The following ZMYM2 variants were observed in gnomAD, a reference collection of about 807,000 sequenced individuals.
The protein encoded by ZMYM2 is zinc finger MYM-type containing 2.
In ZMYM2, 56 loss-of-function variants were observed where a neutral mutation model predicts 162.8. The observed-to-expected ratio is 0.34, with a 90% CI of 0.28 to 0.43. The LOEUF is 0.43. Ranked by LOEUF, ZMYM2 falls within the 20% of genes least tolerant of loss-of-function variation. The pLI, the probability that ZMYM2 is intolerant of heterozygous loss-of-function variation, is 1.00. For missense variants in ZMYM2, 1,275 were observed against 1,621.8 expected (o/e 0.79, Z 3.67); for synonymous variants, 510 against 541.6 (o/e 0.94, Z 0.81).
chr13:19,958,457 C>T (rs1371573482), upstream of ZMYM2, among the ~76,000 whole-genome samples: 1 of 143,290 alleles, frequency 7.0e-6, no homozygotes, highest in African/African-American at 2.5e-5. Context: ...CTGGCAGACC[C>T]GGTGGGTGGG....
At chr13:19,959,003 C>T (rs966407599) in intron 1 of ZMYM2, among the ~76,000 whole-genome samples, 162 bp downstream of exon 1, 84 of 152,032 alleles carry the variant, frequency 5.5e-4, no homozygotes, top group African/African-American at 2.0e-3. Context: ...GGGATTAATA[C>T]CCCGCGGCGC....
chr13:19,989,985 G>T (rs1370669910), intron 2 of ZMYM2, among the ~76,000 whole-genome samples: 1 of 151,938 alleles, frequency 6.6e-6, no homozygotes, highest in African/African-American at 2.4e-5. Context: ...CTCTCACTTG[G>T]ACCATTTCAA....
chr13:20,047,573 C>G (rs941411881), intron 12 of ZMYM2, among the ~76,000 whole-genome samples: 1 of 152,120 alleles, frequency 6.6e-6, no homozygotes, highest in Non-Finnish European at 1.5e-5. Flanking sequence ...GTAGTACACA[C>G]ACATTGTATT....
chr13:19,892,722 C>CTT, the ZMYM2 span, among the ~76,000 whole-genome samples: 3 of 143,874 alleles, frequency 2.1e-5, no homozygotes, highest in African/African-American at 7.7e-5. Context: ...TTATTTTAAC[C>CTT]TTTTTTTTTT....
Position 20,088,007 on chromosome 13 carries a change from T to A in ZMYM2, c.*1993T>A, listed in dbSNP as rs1328752208. On this transcript the variant is annotated 3_prime_UTR_variant, in exon 25 of 25. Transcript: ENST00000610343. ...AATAAAGTTTTTCCCAGGTGTCACT[T>A]ATTGTATATGTTACCAAATACCATG... 5.1e-6 allele frequency: 1 copy of A among 195,354 alleles called. No homozygotes were observed. Among genetic ancestry groups the A allele is most frequent in the African/African-American group, 2.3e-5 (1 of 43,258 alleles). 12.1% of individuals were successfully genotyped at this position (195,354 alleles called of 1,614,324 possible).
chr13:19,983,907 C>T (rs7319063), intron 2 of ZMYM2, among the ~76,000 whole-genome samples: 126,916 of 152,142 alleles, frequency 0.83, 54,112 homozygotes, highest in Non-Finnish European at 0.92. Context: ...GGATTACAGG[C>T]GTGAGCCACT....
chr13:20,053,550 G>T (rs1480916307), intron 14 of ZMYM2, among the ~76,000 whole-genome samples: 4 of 152,154 alleles, frequency 2.6e-5, no homozygotes, highest in Non-Finnish European at 4.4e-5. Flanking sequence ...TACTCAGGAG[G>T]CTGAGGCAGG....
At chr13:19,996,426 TAAAAAA>T (rs556538792) in intron 3 of ZMYM2, among the ~76,000 whole-genome samples, 1 of 146,754 alleles carries the variant, frequency 6.8e-6, no homozygotes, top group African/African-American at 2.5e-5. Flanking sequence ...CTACTAAAGA[TAAAAAA>T]AAAACTAGCC....
the ZMYM2 span, among the ~76,000 whole-genome samples, chr13:19,869,711 C>T: frequency 6.6e-6 from 1 of 151,912 alleles, no homozygotes; most frequent in African/African-American, 2.4e-5. Context: ...TCGCTTGAGC[C>T]CGGAAGGTTG....
chr13:19,983,014 TATTA>T, intron 2 of ZMYM2, among the ~76,000 whole-genome samples: 1 of 152,372 alleles, frequency 6.6e-6, no homozygotes, highest in East Asian at 1.9e-4. Context: ...GATTTCTACA[TATTA>T]ATTTGTTATG....
chr13:19,986,383 GAA>G (rs893426871), intron 2 of ZMYM2, among the ~76,000 whole-genome samples: 3 of 144,484 alleles, frequency 2.1e-5, no homozygotes, highest in South Asian at 4.5e-4. Context: ...AAAAAAAAAA[GAA>G]GGGTGATTAT....
intron 2 of ZMYM2, among the ~76,000 whole-genome samples, chr13:19,982,447 C>G (rs1399093043): frequency 6.6e-6 from 1 of 151,878 alleles, no homozygotes; most frequent in Non-Finnish European, 1.5e-5. Context: ...GCCACCATGC[C>G]TGGCTAATTC....
At chr13:19,933,036 A>G in the ZMYM2 span, among the ~76,000 whole-genome samples, 1 of 152,126 alleles carries the variant, frequency 6.6e-6, no homozygotes, top group East Asian at 1.9e-4. Flanking sequence ...GCAGCCTTGA[A>G]CACCTGGGCT....
At chr13:20,026,510 C>T (rs1048454540) in intron 7 of ZMYM2, 102 bp from the exon 8 acceptor site, 5 of 1,153,722 alleles carry the variant, frequency 4.3e-6, no homozygotes, top group Non-Finnish European at 6.0e-6. Flanking sequence ...TAGAGATTAA[C>T]AGGATTGTTT....
At chr13:19,962,579 C>T (rs1485754897) in intron 2 of ZMYM2, among the ~76,000 whole-genome samples, 8 of 117,588 alleles carry the variant, frequency 6.8e-5, no homozygotes, top group Non-Finnish European at 1.3e-4. Flanking sequence ...GGCTGGAGTG[C>T]AGTGATGTGA....
At chr13:19,928,346 C>T in the ZMYM2 span, among the ~76,000 whole-genome samples, 1 of 152,006 alleles carries the variant, frequency 6.6e-6, no homozygotes, top group African/African-American at 2.4e-5. Context: ...AAATGCATTC[C>T]TGTGTCAGGT....
the ZMYM2 span, among the ~76,000 whole-genome samples, chr13:19,913,877 A>T: frequency 6.6e-6 from 1 of 152,184 alleles, no homozygotes; most frequent in African/African-American, 2.4e-5. Context: ...ATCTATGTTG[A>T]TAGAGGAAGG....
the ZMYM2 span, among the ~76,000 whole-genome samples, chr13:19,924,616 C>G: frequency 3.3e-5 from 5 of 152,172 alleles, no homozygotes; most frequent in East Asian, 7.7e-4. Flanking sequence ...CAAGGCTGCT[C>G]TATGTTGTAG....
At chr13:20,001,863 A>T (rs1229717145) in intron 3 of ZMYM2, among the ~76,000 whole-genome samples, 1 of 152,264 alleles carries the variant, frequency 6.6e-6, no homozygotes, top group Non-Finnish European at 1.5e-5. Flanking sequence ...AAGTATTTTT[A>T]AATTAAGATG....
Sources: gnomAD v4.1 joint callset for allele counts (sites outside exome capture counted in the v4.1 genomes callset) on GRCh38, gnomAD v4.1.1 for gene constraint, MANE v1.5 for transcripts, NCBI Gene and HGNC (gene_info 2026-07-23, HGNC 2026-07-21) for gene names.